EYS: variants seen among roughly 807,000 people sequenced by gnomAD.
EYS encodes protein eyes shut homolog.
Under a neutral mutation model 282.1 loss-of-function variants are expected in EYS, and 250 were observed. That is an observed-to-expected ratio of 0.89 (90% CI 0.80 to 0.98). EYS has a LOEUF of 0.98. Ranked by LOEUF, EYS falls within the 50% of genes least tolerant of loss-of-function variation. The pLI is 0.00. For synonymous variants in EYS, 1,355 were observed against 1,282.9 expected (o/e 1.06, Z -1.20); for missense variants, 4,016 against 3,709.0 (o/e 1.08, Z -2.15).
intron 1 of EYS, among the ~76,000 whole-genome samples, chr6:65,699,167 A>G (rs927939412): frequency 5.9e-5 from 9 of 152,230 alleles, no homozygotes; most frequent in East Asian, 5.8e-4. Context: ...TTGCATACGT[A>G]TTCGTTTTAG....
intron 35 of EYS, among the ~76,000 whole-genome samples, chr6:63,883,608 G>T (rs2149720205): frequency 6.6e-6 from 1 of 152,330 alleles, no homozygotes; most frequent in East Asian, 1.9e-4. Flanking sequence ...TCTGCTTAAT[G>T]CCGGCTTTTC....
chr6:63,859,222 T>C (rs1047277445), intron 36 of EYS, among the ~76,000 whole-genome samples: 2 of 151,948 alleles, frequency 1.3e-5, no homozygotes, highest in Non-Finnish European at 2.9e-5. Flanking sequence ...AAGCATTTTC[T>C]ATATGCCCAT....
At position 64,933,721 on chromosome 6, in the gene EYS, T is replaced by C. The variant is rs111687250; in HGVS notation, c.2381+12072A>G. ...CAACACTGTTCACAAAGCAAAGACT[T>C]GGAACCAATCCAAATGCCCACCAAT... On this transcript the variant is annotated intron_variant, in intron 15 of 42. Transcript: ENST00000503581. Among the ~76,000 whole-genome samples the C allele has an allele frequency of 4.7e-3, 716 of 152,228 alleles. 10 individuals carry two copies. The highest frequency in any genetic ancestry group is 0.016 in the African/African-American group (664 of 41,554).
At chr6:65,332,243 A>G (rs1009964092) in intron 11 of EYS, 38 of 621,422 alleles carry the variant, frequency 6.1e-5, no homozygotes, top group African/African-American at 1.3e-4. Flanking sequence ...TTCTCCATCT[A>G]CATTATCATG....
intron 41 of EYS, among the ~76,000 whole-genome samples, chr6:63,755,981 T>G (rs1057003558): frequency 2.6e-5 from 4 of 152,254 alleles, no homozygotes; most frequent in African/African-American, 9.6e-5. Context: ...ATTGATCTTG[T>G]ATCCTGAGAC....
At chr6:64,803,177 T>C (rs889390389) in intron 22 of EYS, among the ~76,000 whole-genome samples, 1 of 152,172 alleles carries the variant, frequency 6.6e-6, no homozygotes, top group Admixed American at 6.5e-5. Flanking sequence ...TTGCTTTCTG[T>C]AGGCAGGTTA....
intron 35 of EYS, among the ~76,000 whole-genome samples, chr6:63,980,339 A>C (rs1182880830): frequency 1.3e-5 from 2 of 151,714 alleles, no homozygotes; most frequent in Non-Finnish European, 2.9e-5. Context: ...GCATTCCCCA[A>C]CCTTTCAATT....
intron 26 of EYS, among the ~76,000 whole-genome samples, chr6:64,483,483 C>T (rs1776494108): frequency 6.6e-6 from 1 of 151,734 alleles, no homozygotes; most frequent in South Asian, 2.1e-4. Flanking sequence ...TTCTCTCTCA[C>T]TTCTCACTAG....
chr6:65,663,254 A>G (rs1310692404), intron 1 of EYS, among the ~76,000 whole-genome samples: 11 of 152,168 alleles, frequency 7.2e-5, no homozygotes, highest in Non-Finnish European at 1.5e-5. Context: ...AGAGAACAGG[A>G]AGAGAGTTCG....
chr6:64,968,364 TA>T (rs1244718811), intron 14 of EYS, among the ~76,000 whole-genome samples: 3 of 152,174 alleles, frequency 2.0e-5, no homozygotes, highest in Admixed American at 6.5e-5. Flanking sequence ...AAAACTTGTT[TA>T]AAAAATAATT....
At chr6:64,823,803 C>G (rs1410617425) in intron 19 of EYS, among the ~76,000 whole-genome samples, 1 of 151,920 alleles carries the variant, frequency 6.6e-6, no homozygotes, top group Non-Finnish European at 1.5e-5. Flanking sequence ...CTGATCATTA[C>G]TTTAAATTAC....
At chr6:65,474,820 G>C (rs1382336314) in intron 5 of EYS, among the ~76,000 whole-genome samples, 4 of 152,012 alleles carry the variant, frequency 2.6e-5, no homozygotes, top group African/African-American at 9.7e-5. Context: ...TAAAAACTTT[G>C]AGTAGTGAAG....
At chr6:64,989,819 C>G (rs1053853468) in intron 14 of EYS, among the ~76,000 whole-genome samples, 3 of 148,226 alleles carry the variant, frequency 2.0e-5, no homozygotes, top group African/African-American at 7.4e-5. Flanking sequence ...CACACACACA[C>G]ACACACACAC....
At chr6:64,195,745 T>G in intron 31 of EYS, among the ~76,000 whole-genome samples, 1 of 152,218 alleles carries the variant, frequency 6.6e-6, no homozygotes. Flanking sequence ...TAATTGATCA[T>G]TTAAAATAGT....
Position 64,794,596 on chromosome 6 carries a change from T to C in EYS, c.3443+18782A>G, listed in dbSNP as rs535822170. ...TGACCAGAGCCAATTAAACTTCTTG[T>C]CTTTATAAATTCCCCAGTCTCTGGT... On this transcript the variant is annotated intron_variant, in intron 22 of 42. Coordinates refer to ENST00000503581, the MANE Select transcript of EYS (RefSeq NM_001142800.2). 1.4e-4 allele frequency among the ~76,000 whole-genome samples: 21 copies of C among 152,326 alleles called. No homozygotes were observed. In the South Asian group the frequency reaches 3.5e-3, roughly 26 times the overall value.
At chr6:65,197,007 C>A (rs1417757213) in intron 12 of EYS, among the ~76,000 whole-genome samples, 1 of 151,978 alleles carries the variant, frequency 6.6e-6, no homozygotes, top group Non-Finnish European at 1.5e-5. Context: ...TTTGGAAGGA[C>A]TTTGAATTTA....
intron 13 of EYS, among the ~76,000 whole-genome samples, chr6:65,037,346 T>C (rs1487164635): frequency 1.3e-5 from 2 of 151,748 alleles, no homozygotes; most frequent in Admixed American, 6.6e-5. Context: ...ATCAAAAAAC[T>C]ACCTATCAGG....
At chr6:64,869,369 C>G (rs376748579) in intron 19 of EYS, among the ~76,000 whole-genome samples, 1 of 151,406 alleles carries the variant, frequency 6.6e-6, no homozygotes, top group Admixed American at 6.6e-5. Context: ...CCAGGGGATA[C>G]AGGGAAAGTC....
At chr6:64,629,133 T>C (rs367651930) in intron 22 of EYS, among the ~76,000 whole-genome samples, 1 of 152,192 alleles carries the variant, frequency 6.6e-6, no homozygotes, top group Non-Finnish European at 1.5e-5. Flanking sequence ...TCCTTGTTTT[T>C]GATGACTTCG....
Sources: gnomAD v4.1 joint callset for allele counts (sites outside exome capture counted in the v4.1 genomes callset) on GRCh38, gnomAD v4.1.1 for gene constraint, MANE v1.5 for transcripts, NCBI Gene and HGNC (gene_info 2026-07-23, HGNC 2026-07-21) for gene names.